Variants in SMOC1 observed in about 807,000 individuals in gnomAD.
SMOC1 encodes the protein SPARC related modular calcium binding 1.
Under a neutral mutation model 56.3 loss-of-function variants are expected in SMOC1, and 22 were observed. The observed-to-expected ratio is 0.39, with a 90% CI of 0.28 to 0.56. SMOC1 has a LOEUF of 0.56. Ranked by LOEUF, SMOC1 falls within the 20% of genes least tolerant of loss-of-function variation. The probability of loss-of-function intolerance (pLI) is 0.61; values close to 1 mark genes in which losing one functional copy is unlikely to be tolerated. For synonymous variants in SMOC1, 193 were observed against 215.0 expected (o/e 0.90, Z 0.89); for missense variants, 509 against 565.4 (o/e 0.90, Z 1.01).
intron 10 of SMOC1, among the ~76,000 whole-genome samples, chr14:70,015,424 T>C (rs1349457759): frequency 1.3e-5 from 2 of 151,482 alleles, no homozygotes; most frequent in Non-Finnish European, 2.9e-5. Flanking sequence ...AGATCTCCTG[T>C]TTAATGTTCT....
chr14:69,949,276 G>A (rs1299900488), intron 1 of SMOC1, among the ~76,000 whole-genome samples: 1 of 152,174 alleles, frequency 6.6e-6, no homozygotes, highest in African/African-American at 2.4e-5. Flanking sequence ...CGATCCCTGG[G>A]GGTGGCAGGA....
intron 5 of SMOC1, among the ~76,000 whole-genome samples, chr14:69,982,731 C>G (rs61977392): frequency 6.6e-6 from 1 of 152,200 alleles, no homozygotes; most frequent in East Asian, 1.9e-4. Context: ...CTAGCAACCA[C>G]GGGGGTATGG....
intron 3 of SMOC1, among the ~76,000 whole-genome samples, chr14:69,960,229 G>A (rs1226254299): frequency 6.6e-6 from 1 of 152,178 alleles, no homozygotes; most frequent in South Asian, 2.1e-4. Flanking sequence ...GGGGCCAAGG[G>A]CCTTTTTGTC....
intron 5 of SMOC1, among the ~76,000 whole-genome samples, chr14:69,978,645 T>A (rs888287913): frequency 1.3e-5 from 2 of 152,140 alleles, no homozygotes; most frequent in African/African-American, 4.8e-5. Flanking sequence ...TTTTTCTTTA[T>A]CTAGGACAAT....
At chr14:70,001,631 G>A (rs1004130717) in intron 7 of SMOC1, among the ~76,000 whole-genome samples, 1 of 152,154 alleles carries the variant, frequency 6.6e-6, no homozygotes, top group African/African-American at 2.4e-5. Context: ...GAGGAGACGG[G>A]TCATTCACAG....
chr14:69,880,590 G>A (rs1480050998), intron 1 of SMOC1, among the ~76,000 whole-genome samples: 5 of 152,086 alleles, frequency 3.3e-5, no homozygotes, highest in Non-Finnish European at 7.3e-5. Flanking sequence ...CCCACCAATT[G>A]GTCTAATAAA....
At chr14:69,984,796 G>A (rs934310911) in intron 5 of SMOC1, among the ~76,000 whole-genome samples, 3 of 151,962 alleles carry the variant, frequency 2.0e-5, no homozygotes, top group Non-Finnish European at 4.4e-5. Context: ...GGTGGAGGTT[G>A]CAGTGAGCCG....
At chr14:69,953,285 C>A in intron 2 of SMOC1, 135 bp from the exon 3 acceptor site, 1 of 776,670 alleles carries the variant, frequency 1.3e-6, no homozygotes, top group African/African-American at 1.7e-5. Context: ...TAGCCACGGC[C>A]CTTTTAGGGT....
At chr14:70,013,523 G>GA in intron 10 of SMOC1, 32 bp downstream of exon 10, 1 of 1,600,122 alleles carries the variant, frequency 6.2e-7, no homozygotes. Flanking sequence ...AGGCCCAGGA[G>GA]AAAAATGTGG....
chr14:69,981,649 C>A (rs368918520), intron 5 of SMOC1, among the ~76,000 whole-genome samples: 307 of 152,304 alleles, frequency 2.0e-3, no homozygotes, highest in African/African-American at 7.1e-3. Context: ...TGAAAATGCA[C>A]TGCTAAAACA....
chr14:70,012,422 A>T (rs931058649), intron 9 of SMOC1, among the ~76,000 whole-genome samples: 1 of 152,230 alleles, frequency 6.6e-6, no homozygotes, highest in African/African-American at 2.4e-5. Flanking sequence ...GACAGATTGG[A>T]TATGAATAAA....
At chr14:69,911,933 T>C (rs1288975926) in intron 1 of SMOC1, among the ~76,000 whole-genome samples, 2 of 152,208 alleles carry the variant, frequency 1.3e-5, no homozygotes, top group African/African-American at 4.8e-5. Context: ...TGCCACACTG[T>C]TTTCCAGAGT....
At chr14:69,950,373 G>A (rs1882948629) in intron 1 of SMOC1, among the ~76,000 whole-genome samples, 1 of 152,164 alleles carries the variant, frequency 6.6e-6, no homozygotes, top group African/African-American at 2.4e-5. Context: ...GAAGGGTGTG[G>A]TACTACCTCT....
chr14:69,953,367 G>A (rs1883073369), intron 2 of SMOC1, 53 bp from the exon 3 acceptor site: 4 of 1,548,902 alleles, frequency 2.6e-6, no homozygotes, highest in Admixed American at 3.3e-5. Context: ...TTGTCCCTCG[G>A]CCCCAGTGTC....
chr14:69,984,805 C>T (rs1201404650), intron 5 of SMOC1, among the ~76,000 whole-genome samples: 1 of 150,370 alleles, frequency 6.7e-6, no homozygotes, highest in Non-Finnish European at 1.5e-5. Context: ...TGCAGTGAGC[C>T]GAGATCGCGC....
intron 5 of SMOC1, among the ~76,000 whole-genome samples, chr14:69,984,705 A>C (rs1010432714): frequency 1.3e-5 from 2 of 151,316 alleles, no homozygotes; most frequent in African/African-American, 4.9e-5. Flanking sequence ...AAATACAAAA[A>C]TTAGCCAGGC....
intron 1 of SMOC1, among the ~76,000 whole-genome samples, chr14:69,934,652 G>A (rs987728050): frequency 6.6e-6 from 1 of 152,200 alleles, no homozygotes; most frequent in Non-Finnish European, 1.5e-5. Flanking sequence ...ATGGGAGGAG[G>A]TAAGAATGTG....
At chr14:70,012,739 A>G (rs574185127) in intron 9 of SMOC1, among the ~76,000 whole-genome samples, 3 of 152,346 alleles carry the variant, frequency 2.0e-5, no homozygotes, top group African/African-American at 7.2e-5. Flanking sequence ...CGTGGTGTAG[A>G]CATGGAAAAG....
chr14:70,005,855 G>A (rs1013787691), intron 7 of SMOC1, among the ~76,000 whole-genome samples: 1 of 152,158 alleles, frequency 6.6e-6, no homozygotes, highest in Non-Finnish European at 1.5e-5. Flanking sequence ...ATGGCTTCCA[G>A]GTGTTTACAG....
Sources: allele counts gnomAD v4.1 joint callset (sites outside exome capture counted in the v4.1 genomes callset), GRCh38; gene constraint gnomAD v4.1.1; transcripts MANE v1.5; gene names NCBI Gene and HGNC (gene_info 2026-07-23, HGNC 2026-07-21).